Variants in SAMMSON observed in about 807,000 individuals in gnomAD.
The protein encoded by SAMMSON is survival associated mitochondrial melanoma specific oncogenic non-coding RNA.
chr3:70,320,299 C>T (rs1165465943), intron 7 of SAMMSON, among the ~76,000 whole-genome samples: 1 of 152,034 alleles, frequency 6.6e-6, no homozygotes, highest in Non-Finnish European at 1.5e-5. Context: ...AGACCACCAG[C>T]AATGACAGTG....
chr3:70,000,883 A>G (rs1042783079), intron 1 of SAMMSON, among the ~76,000 whole-genome samples: 17 of 152,164 alleles, frequency 1.1e-4, no homozygotes, highest in African/African-American at 4.1e-4. Flanking sequence ...GCAAACCTCT[A>G]AAGAGCTGGA....
chr3:70,431,670 A>G (rs1272003938), intron 2 of SAMMSON, among the ~76,000 whole-genome samples: 1 of 152,012 alleles, frequency 6.6e-6, no homozygotes, highest in Non-Finnish European at 1.5e-5. Context: ...GATTTTTGAC[A>G]ATTGTATAAG....
rs199974023 is a variant in SAMMSON, at chr3:70,027,261, A to T, written n.417+13589A>T. On this transcript the variant is annotated intron_variant and non_coding_transcript_variant, in intron 3 of 9. Coordinates refer to ENST00000642114, the Ensembl canonical transcript of SAMMSON. ...AATGGGAGAATTGAGCTTTAGGAAA[A>T]ATGTATCATCAGCCATGTAGAAAGT... is the stretch of plus-strand genomic sequence containing the variant. Among the ~76,000 whole-genome samples the T allele has an allele frequency of 2.0e-5, 3 of 152,212 alleles. No homozygotes were observed. The East Asian group carries it at 5.8e-4, about 29-fold the overall frequency.
rs559878416 is a variant in SAMMSON, at chr3:70,311,369, T to A, written n.739+20126T>A. On this transcript the variant is annotated intron_variant and non_coding_transcript_variant, in intron 7 of 9. Transcript: ENST00000642114. ...ATCTGTACTCATTAGGAGAACATATTGATTTGTGTGCGTATTTCAAGCAAC... is the reference window on the plus strand; with the variant it reads ...ATCTGTACTCATTAGGAGAACATATAGATTTGTGTGCGTATTTCAAGCAAC... Among the ~76,000 whole-genome samples the A allele has an allele frequency of 4.6e-5, 7 of 152,286 alleles. No individual in the cohort carries two copies. The South Asian group carries it at 1.2e-3, about 27-fold the overall frequency.
intron 6 of SAMMSON, among the ~76,000 whole-genome samples, chr3:70,271,477 C>T (rs6783733): frequency 0.83 from 126,833 of 152,050 alleles, 53,207 homozygotes; most frequent in Non-Finnish European, 0.88. Flanking sequence ...ATTTGTATGA[C>T]AAATTTCTGA....
chr3:70,322,794 C>A lies in SAMMSON; in HGVS notation n.740-31381C>A, dbSNP rs189901467. Among the ~76,000 whole-genome samples the A allele has an allele frequency of 3.7e-4, 56 of 152,132 alleles. No homozygotes were observed. The East Asian group carries it at 0.01, about 27-fold the overall frequency. On this transcript the variant is annotated intron_variant and non_coding_transcript_variant, in intron 7 of 9. Coordinates refer to ENST00000642114, the Ensembl canonical transcript of SAMMSON. Reference sequence around the variant, plus strand: ...TGATCTTATCTGAGATAAAATAATTCTTTGAAGAGCCATAGAGACTAATTA... The same window carrying A: ...TGATCTTATCTGAGATAAAATAATTATTTGAAGAGCCATAGAGACTAATTA...
At chr3:70,053,244 A>C (rs1472039689) in intron 3 of SAMMSON, among the ~76,000 whole-genome samples, 1 of 152,144 alleles carries the variant, frequency 6.6e-6, no homozygotes, top group Non-Finnish European at 1.5e-5. Context: ...CAGAAGTTGC[A>C]CTAGAGCTGC....
intron 4 of SAMMSON, among the ~76,000 whole-genome samples, chr3:70,129,007 C>G (rs2106672732): frequency 6.6e-6 from 1 of 152,220 alleles, no homozygotes; most frequent in East Asian, 1.9e-4. Flanking sequence ...ATGTAAGCAT[C>G]AAATGCATAT....
At chr3:70,240,069 T>G (rs967817698) in intron 4 of SAMMSON, among the ~76,000 whole-genome samples, 2 of 152,136 alleles carry the variant, frequency 1.3e-5, no homozygotes, top group Non-Finnish European at 2.9e-5. Context: ...AATACATCAG[T>G]ATGGATTTTA....
At chr3:70,037,434 GC>G (rs1262044493) in intron 3 of SAMMSON, among the ~76,000 whole-genome samples, 1 of 152,054 alleles carries the variant, frequency 6.6e-6, no homozygotes, top group East Asian at 1.9e-4. Context: ...CTCCTCCTCC[GC>G]CCCGACTACT....
intron 7 of SAMMSON, among the ~76,000 whole-genome samples, chr3:70,340,211 G>T (rs113216593): frequency 8.1e-5 from 12 of 148,360 alleles, no homozygotes; most frequent in African/African-American, 3.0e-4. Flanking sequence ...TTGGACACAG[G>T]GTGGGGAACA....
downstream of SAMMSON, among the ~76,000 whole-genome samples, chr3:70,394,849 G>A (rs776559914): frequency 4.6e-5 from 7 of 152,102 alleles, no homozygotes; most frequent in Non-Finnish European, 7.4e-5. Flanking sequence ...AATGATTCTC[G>A]TTGCACAAAA....
intron 4 of SAMMSON, among the ~76,000 whole-genome samples, chr3:70,176,484 C>G (rs1027972555): frequency 3.9e-5 from 6 of 152,132 alleles, no homozygotes; most frequent in African/African-American, 1.4e-4. Context: ...ACAAAATATT[C>G]TTTTGTAATG....
intron 6 of SAMMSON, among the ~76,000 whole-genome samples, chr3:70,268,311 C>T (rs917767241): frequency 1.1e-4 from 16 of 151,812 alleles, no homozygotes; most frequent in African/African-American, 3.9e-4. Context: ...ACCGTCTGTA[C>T]TAAAATACAA....
intron 9 of SAMMSON, among the ~76,000 whole-genome samples, chr3:70,371,518 C>CT (rs1482154845): frequency 1.3e-5 from 2 of 151,644 alleles, no homozygotes; most frequent in South Asian, 4.1e-4. Context: ...TGTTATTTTT[C>CT]TTTTTTTGTT....
At chr3:70,001,113 G>A (rs2066904079) in intron 1 of SAMMSON, among the ~76,000 whole-genome samples, 1 of 151,392 alleles carries the variant, frequency 6.6e-6, no homozygotes, top group African/African-American at 2.4e-5. Context: ...GGGGTGATGT[G>A]GGTCATTGAT....
At chr3:70,418,186 T>G (rs1159790135) in intron 2 of SAMMSON, among the ~76,000 whole-genome samples, 3 of 152,190 alleles carry the variant, frequency 2.0e-5, no homozygotes, top group African/African-American at 4.8e-5. Flanking sequence ...GGAACAAATT[T>G]CAGAGGAGCA....
chr3:70,149,608 C>T (rs1344845373), intron 4 of SAMMSON, among the ~76,000 whole-genome samples: 2 of 152,054 alleles, frequency 1.3e-5, no homozygotes, highest in Non-Finnish European at 2.9e-5. Context: ...CTGATGCATG[C>T]TAAGATTTGA....
At chr3:70,412,310 A>T (rs1188128370) in intron 2 of SAMMSON, among the ~76,000 whole-genome samples, 1 of 152,218 alleles carries the variant, frequency 6.6e-6, no homozygotes, top group Non-Finnish European at 1.5e-5. Flanking sequence ...AACCTTCTTG[A>T]AATTATATGC....
Sources: allele counts gnomAD v4.1 joint callset (sites outside exome capture counted in the v4.1 genomes callset), GRCh38; gene constraint gnomAD v4.1.1; transcripts MANE v1.5; gene names NCBI Gene and HGNC (gene_info 2026-07-23, HGNC 2026-07-21).